The following ZNF48 variants were observed in gnomAD, a reference collection of about 807,000 sequenced individuals.
The protein encoded by ZNF48 is zinc finger protein 48, also known as zinc finger protein 553.
In ZNF48, 20 loss-of-function variants were observed where a neutral mutation model predicts 40.0. The observed-to-expected ratio is 0.50, with a 90% CI of 0.35 to 0.73. ZNF48 has a LOEUF of 0.73. ZNF48 is among the 30% of genes least tolerant of loss of function. ZNF48 has a pLI of 0.01. For missense variants in ZNF48, 726 were observed against 851.9 expected, an observed-to-expected ratio of 0.85 and a Z score of 1.84; for synonymous variants, 298 against 329.7, an observed-to-expected ratio of 0.90 and a Z score of 1.04.
chr16:30,394,405 C>T (rs4788412), upstream of ZNF48: 25,059 of 152,232 alleles, frequency 0.16, 2,702 homozygotes, highest in Non-Finnish European at 0.25. Flanking sequence ...AAACCAAGCC[C>T]GCCCAGAGAG....
chr16:30,395,709 G>C lies in ZNF48; in HGVS notation c.-15-71G>C. The C allele has an allele frequency of 8.0e-7, 1 of 1,246,014 alleles. No individual in the cohort carries two copies. Among genetic ancestry groups the C allele is most frequent in the East Asian group, 3.2e-5 (1 of 31,314 alleles). 77.2% of individuals were successfully genotyped at this position (1,246,014 alleles called of 1,614,324 possible). On this transcript the variant is annotated intron_variant, in intron 1 of 2. Transcript: ENST00000613509. This position sits in a 1 kb window ranked among gnomAD's most constrained non-coding sequence, Gnocchi z 5.9. Reference sequence around the variant, plus strand: ...CCCGGTGCCCGCGCTGGCCGGCAGAGGGCAGCGGCAGGGCGCCGCGGGCCA... The same window carrying C: ...CCCGGTGCCCGCGCTGGCCGGCAGACGGCAGCGGCAGGGCGCCGCGGGCCA...
upstream of ZNF48, among the ~76,000 whole-genome samples, chr16:30,391,431 G>A (rs62056261): frequency 4.6e-3 from 693 of 150,938 alleles, 1 homozygote; most frequent in African/African-American, 0.014. Flanking sequence ...CTCATGATCC[G>A]CCCGCCTCAG....
At position 30,397,653 on chromosome 16, in the gene ZNF48, A is replaced by G. The variant is rs767108725; in HGVS notation, c.403A>G (p.Thr135Ala). Residue 135 changes from threonine to alanine, a missense_variant, in exon 3 of 3, where the codon ACA (threonine) becomes GCA (alanine). This residue lies in a region of ZNF48 where 6 missense variants were observed against 25.5 expected (regional missense o/e 0.24). Transcript: ENST00000613509. The surrounding 1 kb of genome is among the most constrained non-coding windows in gnomAD (Gnocchi z 4.1). ...TCTGGTGAAACACCAGCGGACCCAC[A>G]CAGGGGAGAAACCCTACAAGTGTGG... Reference protein sequence around the residue: ...SDLVKHQRTHTGEKPYKCGVC... With the variant: ...SDLVKHQRTHAGEKPYKCGVC... 1.2e-6 allele frequency: 2 copies of G among 1,613,492 alleles called. No individual in the cohort carries two copies.
In ZNF48 at chr16:30,395,545, C is replaced by T. The variant is rs1418891387; in HGVS notation, c.-49C>T. The T allele has an allele frequency of 1.4e-5, 3 of 222,098 alleles. No individual in the cohort carries two copies. The highest frequency in any genetic ancestry group is 6.1e-5 in the South Asian group (1 of 16,330). 13.8% of individuals were successfully genotyped at this position (222,098 alleles called of 1,614,324 possible). A position where few individuals can be genotyped will look rare whatever the true frequency, so the allele number is the denominator to read the frequency against. On this transcript the variant is annotated 5_prime_UTR_variant, in exon 1 of 3. Coordinates refer to ENST00000613509, the MANE Select transcript of ZNF48 (RefSeq NM_001214909.2). This position sits in a 1 kb window ranked among gnomAD's most constrained non-coding sequence, Gnocchi z 5.9. ...CACCCCGCTGAGGAGCTCCGGAGGG[C>T]GCCGGGGTGGCGGAGCCGGAGGCGG...
Position 30,381,649 on chromosome 16 carries a change from G to A in ZNF48, c.-16+3239G>A. ...AAGCACAGGGACCCAGTGGCCCTCTGAAACAGACACCACCTTTTGAGATAG... is the reference window on the plus strand; with the variant it reads ...AAGCACAGGGACCCAGTGGCCCTCTAAAACAGACACCACCTTTTGAGATAG... On this transcript the variant is annotated intron_variant, in intron 1 of 2. Coordinates refer to the ZNF48 transcript ENST00000528032. This position sits in a 1 kb window ranked among gnomAD's most constrained non-coding sequence, Gnocchi z 4.3. The A allele has an allele frequency of 6.5e-7, 1 of 1,534,970 alleles. No homozygotes were observed.
chr16:30,381,276 C>A lies in ZNF48; in HGVS notation c.-16+2866C>A, dbSNP rs1230767930. 1 of 1,611,934 alleles carries A rather than the reference C, an allele frequency of 6.2e-7. No individual in the cohort carries two copies. Among genetic ancestry groups the A allele is most frequent in the African/African-American group, 1.3e-5 (1 of 74,834 alleles). ...CCAGGGATTGGTCATTGCCCAGCCT[C>A]AGGGGGCAGAGACCCCCCAGCCCTC... On this transcript the variant is annotated intron_variant, in intron 1 of 2. Transcript: ENST00000528032. This position sits in a 1 kb window ranked among gnomAD's most constrained non-coding sequence, Gnocchi z 4.3.
intron 1 of ZNF48, among the ~76,000 whole-genome samples, chr16:30,388,052 C>T (rs139648925): frequency 2.6e-5 from 4 of 151,304 alleles, no homozygotes; most frequent in East Asian, 2.0e-4. Context: ...CCACAACCTC[C>T]GCCTCCTGAG....
In ZNF48 at chr16:30,395,961, G is replaced by A. The variant is rs1344001472; in HGVS notation, c.79+88G>A. The A allele has an allele frequency of 9.8e-5, 131 of 1,330,882 alleles. No homozygotes were observed. The highest frequency in any genetic ancestry group is 1.3e-4 in the Non-Finnish European group (130 of 1,005,342). The allele number at this position is 1,330,882 out of a possible 1,614,324, so 82.4% of individuals were successfully genotyped here. On this transcript the variant is annotated intron_variant, in intron 2 of 2. Coordinates refer to ENST00000613509, the MANE Select transcript of ZNF48 (RefSeq NM_001214909.2). This position sits in a 1 kb window ranked among gnomAD's most constrained non-coding sequence, Gnocchi z 5.9. ...GCTGTGGCCGGCCGAGATCCTGGAA[G>A]ATCGGACGTGAGCTGTGCCTCTGGG... is the stretch of plus-strand genomic sequence containing the variant.
At chr16:30,386,918 G>A (rs2049904914) in intron 1 of ZNF48, among the ~76,000 whole-genome samples, 1 of 148,016 alleles carries the variant, frequency 6.8e-6, no homozygotes, top group African/African-American at 2.5e-5. Context: ...GGGATTACAG[G>A]TATGAGCCAC....
intron 1 of ZNF48, chr16:30,378,418 C>CGGGCG: frequency 1.3e-6 from 2 of 1,554,700 alleles, no homozygotes; most frequent in Non-Finnish European, 1.7e-6. Context: ...GAGGTAAGGC[C>CGGGCG]GGGCGGGGCG....
chr16:30,387,298 T>G (rs1169958380), intron 1 of ZNF48, among the ~76,000 whole-genome samples: 4 of 143,830 alleles, frequency 2.8e-5, no homozygotes, highest in Non-Finnish European at 6.1e-5. Context: ...CTCACTCCTG[T>G]AATCCCAGCA....
In ZNF48 at chr16:30,397,389, G is replaced by A. The variant is rs763932369; in HGVS notation, c.139G>A (p.Asp47Asn). The A allele has an allele frequency of 1.2e-6, 2 of 1,614,112 alleles. No individual in the cohort carries two copies. The highest frequency in any genetic ancestry group is 1.7e-6 in the Non-Finnish European group (2 of 1,180,008). Residue 47 changes from aspartate (D) to asparagine (N), a missense_variant, in exon 3 of 3, where the codon GAT (aspartate) becomes AAT (asparagine). Physicochemically the swap from Asp to Asn is conservative, Grantham distance 23. Coordinates refer to ENST00000613509, the MANE Select transcript of ZNF48 (RefSeq NM_001214909.2). This position sits in a 1 kb window ranked among gnomAD's most constrained non-coding sequence, Gnocchi z 4.1. ...PNEFEHTPQEDDLGFKEEDLA... is the reference protein window; with the variant it reads ...PNEFEHTPQENDLGFKEEDLA... ...TGAGTTTGAACATACCCCACAGGAA[G>A]ATGACTTGGGGTTCAAGGAAGAAGA...
In ZNF48 at chr16:30,381,365, G is replaced by A. The variant is rs1367841055; in HGVS notation, c.-16+2955G>A. On this transcript the variant is annotated intron_variant, in intron 1 of 2. Coordinates refer to the ZNF48 transcript ENST00000528032. The surrounding 1 kb of genome is among the most constrained non-coding windows in gnomAD (Gnocchi z 4.3). ...CCCGGCCGAAGGGTGAGATGAAGTA[G>A]AGGCAGCAGTGGACTCGGGAGTCCT... The A allele has an allele frequency of 6.2e-7, 1 of 1,613,382 alleles. No homozygotes were observed. The highest frequency in any genetic ancestry group is 1.1e-5 in the South Asian group (1 of 91,034).
chr16:30,382,170 C>A lies in ZNF48; in HGVS notation c.-16+3760C>A. 1.9e-6 allele frequency: 3 copies of A among 1,608,552 alleles called. No individual in the cohort carries two copies. Among genetic ancestry groups the A allele is most frequent in the Non-Finnish European group, 2.5e-6 (3 of 1,177,516 alleles). The stretch of plus-strand genomic sequence containing the variant: ...GTTGATGAGGGTGGATTTCCCTAGG[C>A]CTGACTCCCCTGTGGACAGAACAGG... On this transcript the variant is annotated intron_variant, in intron 1 of 2. Transcript: ENST00000528032. The surrounding 1 kb of genome is among the most constrained non-coding windows in gnomAD (Gnocchi z 4.8).
In ZNF48 at chr16:30,399,767, C is replaced by T. The variant is rs1167009340; in HGVS notation, c.*660C>T. 1 of 152,430 alleles carries T rather than the reference C, an allele frequency of 6.6e-6. No homozygotes were observed. Among genetic ancestry groups the T allele is most frequent in the Non-Finnish European group, 1.5e-5 (1 of 68,230 alleles). The allele number at this position is 152,430 out of a possible 1,614,324, so 9.4% of individuals were successfully genotyped here. A position where few individuals can be genotyped will look rare whatever the true frequency, so the allele number is the denominator to read the frequency against. On this transcript the variant is annotated 3_prime_UTR_variant, in exon 3 of 3. Transcript: ENST00000613509. Reference sequence around the variant, plus strand: ...TTGGACAGAGCCCAGACCTTTGTGCCCTGGAGGGAGCCAACCCACCCTGAC... The same window carrying T: ...TTGGACAGAGCCCAGACCTTTGTGCTCTGGAGGGAGCCAACCCACCCTGAC...
upstream of ZNF48, chr16:30,394,481 C>T (rs942886709): frequency 3.3e-5 from 5 of 152,300 alleles, no homozygotes; most frequent in Admixed American, 3.3e-4. Flanking sequence ...AGGGGCCCAC[C>T]AGGATGGGAA....
intron 2 of ZNF48, among the ~76,000 whole-genome samples, chr16:30,396,415 A>G (rs1210160317): frequency 1.3e-5 from 2 of 152,132 alleles, no homozygotes; most frequent in Non-Finnish European, 2.9e-5. Flanking sequence ...TTGTGACAAC[A>G]TAGTTATTCT....
In ZNF48 at chr16:30,397,888, C is replaced by G; in HGVS notation, c.638C>G (p.Thr213Arg). 3 of 1,613,074 alleles carry G rather than the reference C, an allele frequency of 1.9e-6. No individual in the cohort carries two copies. The highest frequency in any genetic ancestry group is 2.5e-6 in the Non-Finnish European group (3 of 1,179,148). Residue 213 changes from threonine (T) to arginine (R), a missense_variant, in exon 3 of 3, where the codon ACA (threonine) becomes AGA (arginine). This residue lies in a region of ZNF48 where 378 missense variants were observed against 449.1 expected (regional missense o/e 0.84). Transcript: ENST00000613509. The surrounding 1 kb of genome is among the most constrained non-coding windows in gnomAD (Gnocchi z 4.1). ...TCTGACCTGGTGAAACACCAGCGGA[C>G]ACACACTGGTGAGAAGCCCTACAAG... The part of the protein sequence containing the change: ...QSSDLVKHQR[T>R]HTGEKPYKCG...
chr16:30,390,820 T>A (rs928427633), upstream of ZNF48, among the ~76,000 whole-genome samples: 1 of 151,852 alleles, frequency 6.6e-6, no homozygotes, highest in Non-Finnish European at 1.5e-5. Flanking sequence ...GAGACGGGGT[T>A]TCACCGTGTT....
Sources: allele counts gnomAD v4.1 joint callset (sites outside exome capture counted in the v4.1 genomes callset), GRCh38; gene constraint gnomAD v4.1.1; regional missense constraint gnomAD v4.1.1; non-coding constraint Gnocchi (gnomAD v3.1); transcripts MANE v1.5; gene names NCBI Gene and HGNC (gene_info 2026-07-23, HGNC 2026-07-21).